PCDHA8: variants seen among roughly 807,000 people sequenced by gnomAD.
PCDHA8 encodes the protein protocadherin alpha 8, also known as protocadherin alpha-8.
In PCDHA8, 53 loss-of-function variants were observed where a neutral mutation model predicts 61.8. The ratio of observed to expected loss-of-function variants is 0.86; its 90% CI spans 0.69 to 1.08. The LOEUF (loss-of-function observed/expected upper bound fraction) is 1.08. PCDHA8 is among the 50% of genes least tolerant of loss of function. The pLI is 0.00. For synonymous variants in PCDHA8, 618 were observed against 556.6 expected, an observed-to-expected ratio of 1.11 and a Z score of -1.55; for missense variants, 1,293 against 1,245.0, an observed-to-expected ratio of 1.04 and a Z score of -0.58.
chr5:140,907,360 T>C (rs1241355980), intron 1 of PCDHA8, among the ~76,000 whole-genome samples: 1 of 152,186 alleles, frequency 6.6e-6, no homozygotes, highest in Admixed American at 6.5e-5. Flanking sequence ...TGCACTTCTT[T>C]AGTCGTAAAG....
chr5:140,967,471 A>G (rs2096144842), intron 1 of PCDHA8: 3 of 1,613,466 alleles, frequency 1.9e-6, no homozygotes, highest in Middle Eastern at 1.7e-4. Context: ...GGGGCATCCC[A>G]GCCCGCTCGG....
At position 140,967,914 on chromosome 5, in the gene PCDHA8, T is replaced by C. The variant is rs1376293284; in HGVS notation, c.2395-11035T>C. On this transcript the variant is annotated intron_variant, in intron 1 of 3. Coordinates refer to ENST00000531613, the MANE Select transcript of PCDHA8 (RefSeq NM_018911.3). ...CCTGAGAATGCTACACCCAACACCA[T>C]TGTGGCCGTTCTCAGTGTCAATGAC... 1.2e-5 allele frequency: 20 copies of C among 1,614,060 alleles called. No individual in the cohort carries two copies. The highest frequency in any genetic ancestry group is 3.3e-5 in the South Asian group (3 of 91,086).
chr5:140,915,863 A>C (rs1424465325), intron 1 of PCDHA8, among the ~76,000 whole-genome samples: 1 of 152,172 alleles, frequency 6.6e-6, no homozygotes, highest in Non-Finnish European at 1.5e-5. Context: ...CCAAGTTTGC[A>C]TCCTTCCCTT....
In PCDHA8 at chr5:140,856,327, G is replaced by A; in HGVS notation, c.2394+12612G>A. On this transcript the variant is annotated intron_variant, in intron 1 of 3. Transcript: ENST00000531613. ...TGAATTCTCGGATTGACCGCGAGGAGCTGTGCGGGCGGAGCGTGGAGTGCA... is the reference window on the plus strand; with the variant it reads ...TGAATTCTCGGATTGACCGCGAGGAACTGTGCGGGCGGAGCGTGGAGTGCA... The A allele has an allele frequency of 1.4e-5, 22 of 1,598,708 alleles. 1 individual carries two copies. Among genetic ancestry groups the A allele is most frequent in the South Asian group, 3.3e-5 (3 of 90,534 alleles).
chr5:140,935,286 C>T (rs1283279527), intron 1 of PCDHA8, among the ~76,000 whole-genome samples: 1 of 152,150 alleles, frequency 6.6e-6, no homozygotes, highest in Non-Finnish European at 1.5e-5. Context: ...TAAAGTTCAG[C>T]ACTCCGAGGT....
At chr5:140,971,527 A>G (rs116818549) in intron 1 of PCDHA8, among the ~76,000 whole-genome samples, 2,035 of 152,284 alleles carry the variant, frequency 0.013, 20 homozygotes, top group Middle Eastern at 0.054. Context: ...CAGTTCTGAA[A>G]GTCATCATTG....
chr5:140,967,425 C>G, intron 1 of PCDHA8: 2 of 1,613,296 alleles, frequency 1.2e-6, no homozygotes, highest in Non-Finnish European at 1.7e-6. Context: ...CGGGAGCAGG[C>G]AGCCTTGCAC....
At chr5:141,000,415 A>ATT (rs1563651650) in intron 3 of PCDHA8, among the ~76,000 whole-genome samples, 4 of 87,388 alleles carry the variant, frequency 4.6e-5, no homozygotes, top group African/African-American at 1.5e-4. Flanking sequence ...ATATATATAT[A>ATT]TATATATTTT....
At chr5:140,863,467 G>C (rs2048034330) in intron 1 of PCDHA8, 2 of 502,402 alleles carry the variant, frequency 4.0e-6, no homozygotes, top group Non-Finnish European at 7.8e-6. Context: ...TTTTACTCTG[G>C]AGAGTCGCCT....
chr5:140,868,468 TA>T (rs2050485574), intron 1 of PCDHA8: 1 of 152,446 alleles, frequency 6.6e-6, no homozygotes, highest in Non-Finnish European at 1.5e-5. Flanking sequence ...GCTGCTTTTA[TA>T]AAACTTCAAT....
Position 140,974,796 on chromosome 5 carries a change from G to T in PCDHA8, c.2395-4153G>T, listed in dbSNP as rs2096640726. On this transcript the variant is annotated intron_variant, in intron 1 of 3. Transcript: ENST00000531613. The stretch of plus-strand genomic sequence containing the variant: ...AGCCACTGCGCCCAGCCCTCATTTT[G>T]ATATACTAGAAGACCAATATGCAAC... Among the ~76,000 whole-genome samples the T allele has an allele frequency of 2.6e-5, 4 of 152,194 alleles. No individual in the cohort carries two copies. In the South Asian group the frequency reaches 8.3e-4, roughly 32 times the overall value.
intron 1 of PCDHA8, among the ~76,000 whole-genome samples, chr5:140,854,874 G>A (rs1554147476): frequency 6.7e-6 from 1 of 149,752 alleles, no homozygotes; most frequent in African/African-American, 2.4e-5. Context: ...TCAGAACTGT[G>A]TCTTTTGGGC....
At chr5:140,948,823 A>G (rs1554218722) in intron 1 of PCDHA8, among the ~76,000 whole-genome samples, 2 of 151,238 alleles carry the variant, frequency 1.3e-5, no homozygotes, top group African/African-American at 4.8e-5. Flanking sequence ...TATTTCATTA[A>G]TTTCTGCTTT....
At chr5:140,913,797 A>T (rs546197577) in intron 1 of PCDHA8, among the ~76,000 whole-genome samples, 1 of 152,210 alleles carries the variant, frequency 6.6e-6, no homozygotes, top group Admixed American at 6.5e-5. Context: ...ATTTGTTTGA[A>T]TCAAATTTTC....
intron 1 of PCDHA8, among the ~76,000 whole-genome samples, chr5:140,960,605 A>G (rs1405858302): frequency 6.6e-6 from 1 of 152,184 alleles, no homozygotes; most frequent in Non-Finnish European, 1.5e-5. Flanking sequence ...TACTTCAACA[A>G]TATCTAGTGT....
At chr5:140,996,098 A>G (rs1173929406) in intron 3 of PCDHA8, among the ~76,000 whole-genome samples, 1 of 152,214 alleles carries the variant, frequency 6.6e-6, no homozygotes, top group Non-Finnish European at 1.5e-5. Context: ...ATTACATGGA[A>G]TGGTATGGAA....
chr5:140,991,086 T>C (rs2097431989), intron 3 of PCDHA8, among the ~76,000 whole-genome samples: 1 of 152,206 alleles, frequency 6.6e-6, no homozygotes, highest in African/African-American at 2.4e-5. Context: ...ATAAAAAAAT[T>C]AAAGCTCATA....
In PCDHA8 at chr5:140,841,942, G is replaced by A. The variant is rs782585839; in HGVS notation, c.621G>A (p.Ala207=). 9.3e-6 allele frequency: 15 copies of A among 1,613,920 alleles called. No homozygotes were observed. The highest frequency in any genetic ancestry group is 2.2e-5 in the East Asian group (1 of 44,880). ...RKSLDREDAP[A]HHLFLTATDG... is the part of the protein sequence containing the mutation. ...CCTTGGACAGAGAGGACGCTCCTGC[G>A]CACCACTTATTCCTGACAGCCACAG... Residue 207 remains alanine, a synonymous_variant, in exon 1 of 4, where the codon GCG becomes GCA. Transcript: ENST00000531613.
In PCDHA8 at chr5:140,871,059, T is replaced by A. The variant is rs781936875; in HGVS notation, c.2394+27344T>A. 4.3e-6 allele frequency: 7 copies of A among 1,613,256 alleles called. No homozygotes were observed. In the South Asian group the frequency reaches 7.7e-5, roughly 18 times the overall value. On this transcript the variant is annotated intron_variant, in intron 1 of 3. Transcript: ENST00000531613. ...ACCGACTTCTAGTACTGGTGAAGGA[T>A]CACGGTGAGCCGGCGCTGACGGCCA...
Sources: gnomAD v4.1 joint callset for allele counts (sites outside exome capture counted in the v4.1 genomes callset) on GRCh38, gnomAD v4.1.1 for gene constraint, MANE v1.5 for transcripts, NCBI Gene and HGNC (gene_info 2026-07-23, HGNC 2026-07-21) for gene names.